The following UMAD1 variants were observed in gnomAD, a reference collection of about 807,000 sequenced individuals.
UMAD1 encodes UBAP1-MVB12-associated (UMA)-domain containing protein 1.
In UMAD1, 8 loss-of-function variants were observed where a neutral mutation model predicts 6.1. That is an observed-to-expected ratio of 1.30 (90% CI 0.76 to 2.35). The LOEUF (loss-of-function observed/expected upper bound fraction) is 2.35. Ranked by LOEUF, UMAD1 falls within the 30% of genes most tolerant of loss-of-function variation. UMAD1 has a pLI of 0.00. For missense variants in UMAD1, 130 were observed against 78.4 expected (o/e 1.66, Z -2.49); for synonymous variants, 56 against 31.4 (o/e 1.78, Z -2.61).
At chr7:7,675,494 C>A (rs10226060) in intron 2 of UMAD1, among the ~76,000 whole-genome samples, 132,963 of 152,126 alleles carry the variant, frequency 0.87, 58,210 homozygotes, top group East Asian at 0.97. Context: ...CTTCTGCCTC[C>A]GAGTATTATC....
Position 7,837,199 on chromosome 7 carries a change from A to C in UMAD1, c.156+35456A>C, listed in dbSNP as rs565485069. On this transcript the variant is annotated intron_variant, in intron 3 of 3. Coordinates refer to ENST00000682710, the MANE Select transcript of UMAD1 (RefSeq NM_001302348.2). ...GTGAGAAAATATAACTCAATCTAGA[A>C]GTCCATGTTCAGCAAAAATTTGAAG... Among the ~76,000 whole-genome samples, 16 of 152,184 alleles carry C rather than the reference A, an allele frequency of 1.1e-4. 1 individual carries two copies. Among genetic ancestry groups the C allele is most frequent in the Admixed American group, 9.8e-4 (15 of 15,284 alleles).
At position 7,809,154 on chromosome 7, in the gene UMAD1, C is replaced by A. The variant is rs992981799; in HGVS notation, c.156+7411C>A. Among the ~76,000 whole-genome samples the A allele has an allele frequency of 3.9e-5, 6 of 151,950 alleles. No individual in the cohort carries two copies. The South Asian group carries it at 1.2e-3, about 32-fold the overall frequency. On this transcript the variant is annotated intron_variant, in intron 3 of 3. Transcript: ENST00000682710. ...AGCAATAACAATAAAAACTGTTTTGCTAAAATTGTTAGGGGCATGATATTT... is the reference window on the plus strand; with the variant it reads ...AGCAATAACAATAAAAACTGTTTTGATAAAATTGTTAGGGGCATGATATTT...
intron 3 of UMAD1, among the ~76,000 whole-genome samples, chr7:7,837,485 C>A (rs944846863): frequency 2.0e-5 from 3 of 152,082 alleles, no homozygotes; most frequent in African/African-American, 7.2e-5. Flanking sequence ...AGAGTGAAAG[C>A]ATTCTAAAGT....
intron 2 of UMAD1, among the ~76,000 whole-genome samples, chr7:7,693,056 A>T (rs1780213299): frequency 6.6e-6 from 1 of 150,404 alleles, no homozygotes; most frequent in Non-Finnish European, 1.5e-5. Context: ...TTGATTACTT[A>T]TATCTACTTC....
intron 3 of UMAD1, among the ~76,000 whole-genome samples, chr7:7,809,733 T>C (rs1782986843): frequency 6.6e-6 from 1 of 152,022 alleles, no homozygotes; most frequent in Admixed American, 6.6e-5. Context: ...AAAATTTGAT[T>C]TTCTGAAAAA....
At chr7:7,675,969 C>G in intron 2 of UMAD1, 1 of 392,830 alleles carries the variant, frequency 2.5e-6, no homozygotes. Context: ...ATAAAATCCT[C>G]TGTACATAGT....
intron 2 of UMAD1, among the ~76,000 whole-genome samples, chr7:7,798,853 G>T (rs185126290): frequency 2.6e-5 from 4 of 152,282 alleles, no homozygotes; most frequent in African/African-American, 9.6e-5. Flanking sequence ...TGTAAATTGG[G>T]GGTGGGCAGA....
chr7:7,671,776 T>C (rs1779611076), intron 1 of UMAD1, among the ~76,000 whole-genome samples: 1 of 152,210 alleles, frequency 6.6e-6, no homozygotes, highest in East Asian at 1.9e-4. Flanking sequence ...CTCTCCTTGC[T>C]CTCTATAGAG....
At chr7:7,802,798 A>C (rs1204386575) in intron 3 of UMAD1, among the ~76,000 whole-genome samples, 1 of 152,232 alleles carries the variant, frequency 6.6e-6, no homozygotes, top group African/African-American at 2.4e-5. Context: ...TAGGTAGTTG[A>C]AAAGATTTGT....
At chr7:7,737,919 A>C (rs1329955956) in intron 2 of UMAD1, among the ~76,000 whole-genome samples, 3 of 152,196 alleles carry the variant, frequency 2.0e-5, no homozygotes. Context: ...GCATACACTA[A>C]GTCAATAAAT....
intron 1 of UMAD1, among the ~76,000 whole-genome samples, chr7:7,667,513 T>A (rs749538474): frequency 1.4e-4 from 22 of 152,216 alleles, no homozygotes; most frequent in Non-Finnish European, 2.6e-4. Context: ...GGGCAGAGGT[T>A]GCAGTTTTTT....
chr7:7,786,446 G>A (rs772368739), intron 2 of UMAD1, among the ~76,000 whole-genome samples: 3 of 152,050 alleles, frequency 2.0e-5, no homozygotes, highest in African/African-American at 2.4e-5. Flanking sequence ...GCTCCTGTTC[G>A]TTACATTACT....
chr7:7,852,828 G>A (rs1783943482), intron 3 of UMAD1, among the ~76,000 whole-genome samples: 1 of 152,214 alleles, frequency 6.6e-6, no homozygotes, highest in Admixed American at 6.5e-5. Flanking sequence ...ATGTAGAAAT[G>A]TGACTGGACA....
chr7:7,730,977 G>A (rs1450776131), intron 2 of UMAD1, among the ~76,000 whole-genome samples: 1 of 152,136 alleles, frequency 6.6e-6, no homozygotes, highest in Non-Finnish European at 1.5e-5. Flanking sequence ...GGGGAAAGGA[G>A]TAAAATGATC....
At chr7:7,689,933 A>G (rs1780135007) in intron 2 of UMAD1, among the ~76,000 whole-genome samples, 3 of 152,162 alleles carry the variant, frequency 2.0e-5, no homozygotes, top group Non-Finnish European at 4.4e-5. Flanking sequence ...TGCTCACATA[A>G]TAGTTTGCTA....
At chr7:7,814,137 C>T (rs1783080117) in intron 3 of UMAD1, among the ~76,000 whole-genome samples, 1 of 152,132 alleles carries the variant, frequency 6.6e-6, no homozygotes, top group African/African-American at 2.4e-5. Context: ...GCACCCAACA[C>T]CACGCCCAGC....
At chr7:7,876,355 C>A (rs931811658) in intron 3 of UMAD1, among the ~76,000 whole-genome samples, 5 of 152,072 alleles carry the variant, frequency 3.3e-5, no homozygotes, top group African/African-American at 1.2e-4. Context: ...AGCCAGATGG[C>A]GAAGGAGCTA....
chr7:7,806,799 T>A (rs942641814), intron 3 of UMAD1, among the ~76,000 whole-genome samples: 2 of 152,184 alleles, frequency 1.3e-5, no homozygotes, highest in African/African-American at 4.8e-5. Context: ...GGAAAGCCTC[T>A]AATTATTTTA....
At chr7:7,846,720 C>A (rs1783789833) in intron 3 of UMAD1, among the ~76,000 whole-genome samples, 2 of 151,878 alleles carry the variant, frequency 1.3e-5, no homozygotes, top group South Asian at 4.2e-4. Flanking sequence ...AATAATAACT[C>A]TTCCAGAATT....
Sources: allele counts gnomAD v4.1 joint callset (sites outside exome capture counted in the v4.1 genomes callset), GRCh38; gene constraint gnomAD v4.1.1; transcripts MANE v1.5; gene names NCBI Gene and HGNC (gene_info 2026-07-23, HGNC 2026-07-21).